DOCK8: variants seen among roughly 807,000 people sequenced by gnomAD.
The protein encoded by DOCK8 is dedicator of cytokinesis protein 8.
Under a neutral mutation model 245.6 loss-of-function variants are expected in DOCK8, and 141 were observed. The ratio of observed to expected loss-of-function variants is 0.57; its 90% CI spans 0.50 to 0.66. DOCK8 has a LOEUF of 0.66. Among genes scored for constraint, DOCK8 ranks in the 30% least tolerant of loss-of-function variants. The probability of loss-of-function intolerance (pLI) is 0.00; values close to 1 mark genes in which losing one functional copy is unlikely to be tolerated. For synonymous variants in DOCK8, 1,168 were observed against 970.2 expected, an observed-to-expected ratio of 1.20 and a Z score of -3.79; for missense variants, 2,965 against 2,603.4, an observed-to-expected ratio of 1.14 and a Z score of -3.02.
intron 42 of DOCK8, among the ~76,000 whole-genome samples, chr9:442,337 T>G (rs528999585): frequency 6.6e-6 from 1 of 152,358 alleles, no homozygotes; most frequent in African/African-American, 2.4e-5. Context: ...TATTAGTAGT[T>G]TATACTAGTA....
chr9:428,261 A>T lies in DOCK8; in HGVS notation c.4339-101A>T. ...GCTCACCAAACTCTTAAGACTCACC[A>T]CTGGACATGGAACATCAGCATTACT... On this transcript the variant is annotated intron_variant, in intron 34 of 47. Coordinates refer to ENST00000432829, the MANE Select transcript of DOCK8 (RefSeq NM_203447.4). The T allele has an allele frequency of 3.1e-6, 5 of 1,587,534 alleles. No individual in the cohort carries two copies. The East Asian group carries it at 1.1e-4, about 36-fold the overall frequency.
At chr9:450,014 T>C in intron 45 of DOCK8, 87 bp downstream of exon 45, 1 of 1,439,444 alleles carries the variant, frequency 6.9e-7, no homozygotes. Context: ...TTGGGGTTGA[T>C]GAGGACTTTG....
At chr9:389,267 A>G (rs1195767296) in intron 23 of DOCK8, among the ~76,000 whole-genome samples, 1 of 152,224 alleles carries the variant, frequency 6.6e-6, no homozygotes, top group Non-Finnish European at 1.5e-5. Context: ...GAATATGAAC[A>G]CATAGCCAGA....
intron 7 of DOCK8, among the ~76,000 whole-genome samples, chr9:323,093 C>CAAA (rs141746047): frequency 1.0e-5 from 1 of 100,316 alleles, no homozygotes; most frequent in Non-Finnish European, 2.1e-5. Context: ...AACTCCATCT[C>CAAA]AAAAAAAAAA....
At chr9:266,121 G>T (rs2021977) in intron 1 of DOCK8, among the ~76,000 whole-genome samples, 5,035 of 152,106 alleles carry the variant, frequency 0.033, 239 homozygotes, top group African/African-American at 0.11. Context: ...CTTCTTTTAC[G>T]AATTTTTTTC....
chr9:263,787 A>G (rs1302315813), intron 1 of DOCK8, among the ~76,000 whole-genome samples: 1 of 152,074 alleles, frequency 6.6e-6, no homozygotes, highest in African/African-American at 2.4e-5. Flanking sequence ...TGGTTTGTGG[A>G]TTTCACTTTT....
In DOCK8 at chr9:397,016, A is replaced by G. The variant is rs78261826; in HGVS notation, c.3120+82A>G. 40,307 of 1,411,794 alleles carry G rather than the reference A, an allele frequency of 0.029. 640 individuals are homozygous for G. The highest frequency in any genetic ancestry group is 0.041 in the African/African-American group (2,888 of 69,688). The allele number at this position is 1,411,794 out of a possible 1,614,324, so 87.5% of individuals were successfully genotyped here. On this transcript the variant is annotated intron_variant, in intron 25 of 47. Coordinates refer to ENST00000432829, the MANE Select transcript of DOCK8 (RefSeq NM_203447.4). Reference sequence around the variant, plus strand: ...TCATAATCAGAGAAAAATAAGCATCATTTTAAAACAATAATTAAAATATAA... The same window carrying G: ...TCATAATCAGAGAAAAATAAGCATCGTTTTAAAACAATAATTAAAATATAA...
At chr9:355,442 T>C (rs1474701480) in intron 14 of DOCK8, among the ~76,000 whole-genome samples, 1 of 152,030 alleles carries the variant, frequency 6.6e-6, no homozygotes, top group Non-Finnish European at 1.5e-5. Context: ...GACCCTGTGA[T>C]CTACCCACCT....
At chr9:367,263 T>C (rs919084785) in intron 14 of DOCK8, among the ~76,000 whole-genome samples, 1 of 152,208 alleles carries the variant, frequency 6.6e-6, no homozygotes, top group Non-Finnish European at 1.5e-5. Flanking sequence ...CACTCATTCC[T>C]TCATTCAACA....
At chr9:380,051 C>A (rs2053680984) in intron 21 of DOCK8, 116 bp downstream of exon 21, 1 of 1,079,024 alleles carries the variant, frequency 9.3e-7, no homozygotes, top group Non-Finnish European at 1.3e-6. Flanking sequence ...ACATCTGCAA[C>A]CCCAGCACTC....
intron 12 of DOCK8, among the ~76,000 whole-genome samples, chr9:337,520 GGCCTGGCTATTCATGT>G (rs1278432688): frequency 6.6e-6 from 1 of 152,076 alleles, no homozygotes; most frequent in African/African-American, 2.4e-5. Flanking sequence ...AGGGTTTCTT[GGCCTGGCTATTCATGT>G]GCAAGTTTCC....
At position 231,855 on chromosome 9, in the gene DOCK8, T is replaced by A. The variant is rs531815399; in HGVS notation, c.53+16826T>A. 3.6e-3 allele frequency among the ~76,000 whole-genome samples: 545 copies of A among 152,326 alleles called. 2 individuals carry two copies. Among genetic ancestry groups the A allele is most frequent in the African/African-American group, 0.012 (516 of 41,580 alleles). ...ATGTCATCTGCAAACAGGGACAATT[T>A]GACTTCCTCTTTTCCTAATTGAATA... On this transcript the variant is annotated intron_variant, in intron 1 of 47. Coordinates refer to ENST00000432829, the MANE Select transcript of DOCK8 (RefSeq NM_203447.4).
At chr9:376,786 G>T (rs551708601) in intron 19 of DOCK8, among the ~76,000 whole-genome samples, 191 bp from the exon 20 acceptor site, 1 of 152,248 alleles carries the variant, frequency 6.6e-6, no homozygotes, top group Admixed American at 6.5e-5. Flanking sequence ...TTATTGAAAC[G>T]TTCAACTTCA....
chr9:433,991 A>G lies in DOCK8; in HGVS notation c.4886+16A>G. 2 of 1,576,036 alleles carry G rather than the reference A, an allele frequency of 1.3e-6. No homozygotes were observed. The highest frequency in any genetic ancestry group is 1.7e-6 in the Non-Finnish European group (2 of 1,144,998). The stretch of plus-strand genomic sequence containing the variant: ...TCATGTACAGGTAAGCTTTCCTGAC[A>G]CACTCAAGGGACACCATTTGGGGGT... On this transcript the variant is annotated intron_variant, in intron 38 of 47. Transcript: ENST00000432829.
intron 6 of DOCK8, among the ~76,000 whole-genome samples, chr9:314,837 G>C (rs1031372556): frequency 6.6e-6 from 1 of 152,130 alleles, no homozygotes; most frequent in African/African-American, 2.4e-5. Context: ...TGATTTCCCT[G>C]TAAGGAAAGT....
At chr9:331,089 C>T (rs1445872684) in intron 9 of DOCK8, among the ~76,000 whole-genome samples, 1 of 152,236 alleles carries the variant, frequency 6.6e-6, no homozygotes, top group Non-Finnish European at 1.5e-5. Flanking sequence ...CCATTCACTT[C>T]ATGGAAAAAT....
At chr9:388,399 A>T (rs1435097374) in intron 23 of DOCK8, among the ~76,000 whole-genome samples, 2 of 152,128 alleles carry the variant, frequency 1.3e-5, no homozygotes, top group Non-Finnish European at 2.9e-5. Flanking sequence ...ATTCCTCACC[A>T]CTAACCCGCC....
Position 340,328 on chromosome 9 carries a change from AAC to A in DOCK8, c.1679+11_1679+12del, listed in dbSNP as rs759653774. The A allele has an allele frequency of 8.5e-5, 137 of 1,613,986 alleles. No homozygotes were observed. The highest frequency in any genetic ancestry group is 2.0e-4 in the Admixed American group (12 of 59,998). ...TCCCTCACACTGTGTACAGGTAAGA[AAC>A]ACAGGCTCGGGCTGGGCGTGGTGGC... On this transcript the variant is annotated splice_region_variant and intron_variant, in intron 14 of 47. Coordinates refer to ENST00000432829, the MANE Select transcript of DOCK8 (RefSeq NM_203447.4).
At chr9:360,861 C>G (rs916418031) in intron 14 of DOCK8, among the ~76,000 whole-genome samples, 1 of 152,066 alleles carries the variant, frequency 6.6e-6, no homozygotes, top group Non-Finnish European at 1.5e-5. Context: ...GGAGTGCTCC[C>G]TCAAAAAGAG....
Sources: allele counts gnomAD v4.1 joint callset (sites outside exome capture counted in the v4.1 genomes callset), GRCh38; gene constraint gnomAD v4.1.1; transcripts MANE v1.5; gene names NCBI Gene and HGNC (gene_info 2026-07-23, HGNC 2026-07-21).